The following MDGA1 variants were observed in gnomAD, a reference collection of about 807,000 sequenced individuals.
The protein encoded by MDGA1 is MAM domain containing glycosylphosphatidylinositol anchor 1.
In MDGA1, 54 loss-of-function variants were observed where a neutral mutation model predicts 101.5. The ratio of observed to expected loss-of-function variants is 0.53; its 90% CI spans 0.43 to 0.67. The LOEUF is 0.67. Among genes scored for constraint, MDGA1 ranks in the 30% least tolerant of loss-of-function variants. MDGA1 has a pLI of 0.00. For synonymous variants in MDGA1, 533 were observed against 558.3 expected, an observed-to-expected ratio of 0.95 and a Z score of 0.64; for missense variants, 1,083 against 1,323.8, an observed-to-expected ratio of 0.82 and a Z score of 2.82.
chr6:37,645,416 C>A (rs1470418824), intron 12 of MDGA1, among the ~76,000 whole-genome samples: 1 of 152,168 alleles, frequency 6.6e-6, no homozygotes, highest in Admixed American at 6.5e-5. Context: ...TGCCTGTAAT[C>A]CCAGCTACTT....
intron 16 of MDGA1, chr6:37,637,921 A>G (rs1763966835): frequency 3.6e-6 from 2 of 551,386 alleles, no homozygotes; most frequent in African/African-American, 3.8e-5. Context: ...AGCCAGAGGT[A>G]CGCACAGATG....
At chr6:37,645,905 G>A in intron 12 of MDGA1, 28 bp downstream of exon 12, 1 of 1,613,718 alleles carries the variant, frequency 6.2e-7, no homozygotes, top group Non-Finnish European at 8.5e-7. Context: ...AAGGGAAGGG[G>A]AAGTCATGGG....
intron 2 of MDGA1, among the ~76,000 whole-genome samples, chr6:37,660,905 T>C (rs371891250): frequency 6.6e-6 from 1 of 152,240 alleles, no homozygotes; most frequent in African/African-American, 2.4e-5. Context: ...GGTGGTTGCC[T>C]ATACCGAAGA....
intron 1 of MDGA1, among the ~76,000 whole-genome samples, chr6:37,687,127 T>A (rs1261777341): frequency 6.6e-6 from 1 of 152,106 alleles, no homozygotes; most frequent in African/African-American, 2.4e-5. Flanking sequence ...AGCTCCTCCA[T>A]CTGGAAAATG....
At chr6:37,645,171 A>G (rs1761161764) in intron 12 of MDGA1, among the ~76,000 whole-genome samples, 1 of 152,200 alleles carries the variant, frequency 6.6e-6, no homozygotes, top group African/African-American at 2.4e-5. Context: ...TGATTTTACT[A>G]CTGTGGTTTG....
intron 2 of MDGA1, among the ~76,000 whole-genome samples, chr6:37,659,551 G>T (rs1761573841): frequency 3.3e-5 from 5 of 152,184 alleles, no homozygotes; most frequent in Non-Finnish European, 7.3e-5. Context: ...TCTAAGGAGT[G>T]GGGTAGAGAT....
At chr6:37,694,045 C>T (rs1762367699) in intron 1 of MDGA1, among the ~76,000 whole-genome samples, 2 of 152,208 alleles carry the variant, frequency 1.3e-5, no homozygotes, top group Admixed American at 1.3e-4. Flanking sequence ...GGTTCGCTCT[C>T]CACCGCCTGC....
intron 9 of MDGA1, chr6:37,648,706 C>T (rs1010325433): frequency 3.6e-6 from 2 of 549,704 alleles, no homozygotes; most frequent in African/African-American, 2.0e-5. Context: ...CCTTGGAAGG[C>T]GAAGGCCTCA....
At chr6:37,644,091 CCA>C (rs1163105343) in intron 13 of MDGA1, 148 bp from the exon 14 acceptor site, 6 of 527,868 alleles carry the variant, frequency 1.1e-5, no homozygotes, top group Non-Finnish European at 1.6e-5. Flanking sequence ...CTGCCTCACC[CCA>C]CACATCCTGC....
chr6:37,694,564 C>T (rs111757324), intron 1 of MDGA1, among the ~76,000 whole-genome samples: 1 of 152,300 alleles, frequency 6.6e-6, no homozygotes, highest in East Asian at 1.9e-4. Context: ...CCCAGATCTT[C>T]GACCTACTTC....
rs535436930 is a variant in MDGA1, at chr6:37,664,368, A to G, written c.68-262T>C. 8.5e-5 allele frequency: 40 copies of G among 470,070 alleles called. 1 individual carries two copies. The South Asian group carries it at 1.2e-3, about 14-fold the overall frequency. 29.1% of individuals were successfully genotyped at this position (470,070 alleles called of 1,614,324 possible). On this transcript the variant is annotated intron_variant, in intron 1 of 16. Coordinates refer to ENST00000434837, the MANE Select transcript of MDGA1 (RefSeq NM_153487.4). ...GCTTTTCAGTGGGCTGATTGTGTGA[A>G]GGGGCTTTGTCATCTGTACAGACTG...
intron 1 of MDGA1, among the ~76,000 whole-genome samples, chr6:37,670,557 A>G (rs1054084752): frequency 6.6e-6 from 1 of 151,944 alleles, no homozygotes; most frequent in Non-Finnish European, 1.5e-5. Flanking sequence ...TAAATAAAGA[A>G]ACTCATGTAA....
At chr6:37,689,053 G>A (rs1019350132) in intron 1 of MDGA1, among the ~76,000 whole-genome samples, 2 of 152,054 alleles carry the variant, frequency 1.3e-5, no homozygotes, top group Non-Finnish European at 2.9e-5. Context: ...AAAGTTTGAG[G>A]AGCCCCACTC....
chr6:37,674,429 C>T (rs937643043), intron 1 of MDGA1, among the ~76,000 whole-genome samples: 6 of 152,214 alleles, frequency 3.9e-5, no homozygotes, highest in South Asian at 2.1e-4. Flanking sequence ...GCCACTGTGG[C>T]GCCTGGAGCT....
intron 1 of MDGA1, among the ~76,000 whole-genome samples, chr6:37,690,455 C>T (rs1304247872): frequency 1.3e-5 from 2 of 152,206 alleles, no homozygotes; most frequent in Non-Finnish European, 2.9e-5. Context: ...CTTATGATCA[C>T]AGGCTGGACA....
rs1761460029 is a variant in MDGA1, at chr6:37,655,355, C to T, written c.579+345G>A. ...CAGGGCCCATGGGAAGAGGAGTCAT[C>T]TCCTCGCCCCCAGATCCTGCTGTGC... On this transcript the variant is annotated intron_variant, in intron 4 of 16. Transcript: ENST00000434837. This position sits in a 1 kb window ranked among gnomAD's most constrained non-coding sequence, Gnocchi z 5.1. 3.0e-6 allele frequency: 1 copy of T among 333,268 alleles called. No homozygotes were observed. The highest frequency in any genetic ancestry group is 6.2e-5 in the East Asian group (1 of 16,238). The allele number at this position is 333,268 out of a possible 1,614,324, so 20.6% of individuals were successfully genotyped here. A position where few individuals can be genotyped will look rare whatever the true frequency, so the allele number is the denominator to read the frequency against.
chr6:37,689,653 A>G (rs1433460945), intron 1 of MDGA1, among the ~76,000 whole-genome samples: 1 of 152,184 alleles, frequency 6.6e-6, no homozygotes, highest in Non-Finnish European at 1.5e-5. Context: ...TCTTATGCAG[A>G]GGTCGAGGCT....
chr6:37,635,055 A>C lies in MDGA1; in HGVS notation c.*2313T>G. 1 of 159,416 alleles carries C rather than the reference A, an allele frequency of 6.3e-6. No homozygotes were observed. The highest frequency in any genetic ancestry group is 1.4e-5 in the Non-Finnish European group (1 of 73,064). The allele number at this position is 159,416 out of a possible 1,614,324, so 9.9% of individuals were successfully genotyped here. Reference sequence around the variant, plus strand: ...CCTACCCCAGCGAGGGCACAGAGGAAGCACCCAGGTGGTGCCAGGCCAGTG... The same window carrying C: ...CCTACCCCAGCGAGGGCACAGAGGACGCACCCAGGTGGTGCCAGGCCAGTG... On this transcript the variant is annotated 3_prime_UTR_variant, in exon 17 of 17. Coordinates refer to ENST00000434837, the MANE Select transcript of MDGA1 (RefSeq NM_153487.4).
intron 1 of MDGA1, 41 bp from the exon 2 acceptor site, chr6:37,664,147 G>A (rs1336813193): frequency 1.2e-6 from 2 of 1,612,102 alleles, no homozygotes; most frequent in Non-Finnish European, 8.5e-7. Flanking sequence ...GAGAAGAGGT[G>A]CCAAGGCCAG....
Sources: allele counts gnomAD v4.1 joint callset (sites outside exome capture counted in the v4.1 genomes callset), GRCh38; gene constraint gnomAD v4.1.1; non-coding constraint Gnocchi (gnomAD v3.1); transcripts MANE v1.5; gene names NCBI Gene and HGNC (gene_info 2026-07-23, HGNC 2026-07-21).